Variants in PROM1 observed in about 807,000 individuals in gnomAD.
PROM1 encodes prominin 1.
In PROM1, 105 loss-of-function variants were observed where a neutral mutation model predicts 116.9. That is an observed-to-expected ratio of 0.90 (90% CI 0.77 to 1.06). PROM1 has a LOEUF of 1.06. Ranked by LOEUF, PROM1 falls within the 50% of genes least tolerant of loss-of-function variation. The pLI is 0.00. For missense variants in PROM1, 1,122 were observed against 1,045.2 expected (o/e 1.07, Z -1.01); for synonymous variants, 393 against 387.0 (o/e 1.02, Z -0.18).
At chr4:15,980,579 G>T in intron 23 of PROM1, 42 bp from the exon 24 acceptor site, 2 of 1,174,486 alleles carry the variant, frequency 1.7e-6, no homozygotes, top group Non-Finnish European at 1.2e-6. Context: ...TTGAAGATAA[G>T]AAATGGGAAA....
rs4065768 is a variant in PROM1 at position 16,009,934 on chromosome 4, CAAAAA to C, written c.1142-831_1142-827del. On this transcript the variant is annotated intron_variant, in intron 11 of 27. Transcript: ENST00000447510. ...TGGGTGACATAGCAAGACTCGCTCT[CAAAAA>C]AAAAAAAAAAAAAAAAAAGTCTTCA... is the stretch of plus-strand genomic sequence containing the variant. Among the ~76,000 whole-genome samples the C allele has an allele frequency of 8.0e-5, 6 of 75,432 alleles. No individual in the cohort carries two copies. In the East Asian group the frequency reaches 1.1e-3, roughly 14 times the overall value. 49.5% of individuals were successfully genotyped at this position (75,432 alleles called of 152,430 possible). A position where few individuals can be genotyped will look rare whatever the true frequency, so the allele number is the denominator to read the frequency against.
chr4:16,047,882 C>T (rs1448360049), intron 2 of PROM1, among the ~76,000 whole-genome samples: 1 of 152,134 alleles, frequency 6.6e-6, no homozygotes, highest in African/African-American at 2.4e-5. Flanking sequence ...CAAGAGGCCA[C>T]ACATAGTCTC....
chr4:15,970,388 G>T (rs10939647), intron 27 of PROM1, among the ~76,000 whole-genome samples: 33,035 of 151,642 alleles, frequency 0.22, 4,305 homozygotes, highest in Admixed American at 0.29. Context: ...GGCCAGGCTG[G>T]TTTTGAGCTC....
At chr4:15,985,510 C>G in intron 22 of PROM1, 1 of 461,020 alleles carries the variant, frequency 2.2e-6, no homozygotes, top group African/African-American at 2.0e-5. Context: ...CCCTTTGTTA[C>G]CTGAAAAAGG....
At chr4:16,023,140 C>T (rs1730321562) in intron 8 of PROM1, among the ~76,000 whole-genome samples, 186 bp downstream of exon 8, 1 of 152,128 alleles carries the variant, frequency 6.6e-6, no homozygotes, top group Non-Finnish European at 1.5e-5. Flanking sequence ...AGCTTTGGCA[C>T]AAGCTTTAAT....
At chr4:15,971,383 A>C in intron 26 of PROM1, 1 of 309,750 alleles carries the variant, frequency 3.2e-6, no homozygotes, top group Admixed American at 4.5e-5. Context: ...CGTGTTGAAG[A>C]CATTAGACCA....
Position 15,980,596 on chromosome 4 carries a change from T to C in PROM1, c.2374-59A>G. 4.9e-6 allele frequency: 5 copies of C among 1,026,100 alleles called. No individual in the cohort carries two copies. In the South Asian group the frequency reaches 7.7e-5, roughly 16 times the overall value. 63.6% of individuals were successfully genotyped at this position (1,026,100 alleles called of 1,614,324 possible). On this transcript the variant is annotated intron_variant, in intron 23 of 27. Coordinates refer to ENST00000447510, the MANE Select transcript of PROM1 (RefSeq NM_006017.3). ...GAAGATAAGAAATGGGAAAAACAGT[T>C]GTTTGGGGGATTTTTTTTTTTTTTT...
Position 15,992,203 on chromosome 4 carries a change from C to A in PROM1, c.1911+45G>T, listed in dbSNP as rs867071352. ...GCAAAACAGAAATACACATCTGACA[C>A]TTTAATTTCTCCTAAAGGATCAAGC... On this transcript the variant is annotated intron_variant, in intron 17 of 27. Coordinates refer to ENST00000447510, the MANE Select transcript of PROM1 (RefSeq NM_006017.3). 6.9e-6 allele frequency: 11 copies of A among 1,597,056 alleles called. No individual in the cohort carries two copies. The African/African-American group carries it at 1.1e-4, about 16-fold the overall frequency.
chr4:16,022,975 T>C (rs991058128), intron 8 of PROM1, among the ~76,000 whole-genome samples: 2 of 152,204 alleles, frequency 1.3e-5, no homozygotes, highest in Non-Finnish European at 2.9e-5. Context: ...GGTTACACTA[T>C]GTCTCTTCCA....
intron 2 of PROM1, among the ~76,000 whole-genome samples, chr4:16,062,474 G>A (rs1740578097): frequency 6.6e-6 from 1 of 152,084 alleles, no homozygotes; most frequent in Admixed American, 6.6e-5. Flanking sequence ...TAAAGAGAAG[G>A]AGCATTAAAA....
chr4:15,991,298 A>G lies in PROM1; in HGVS notation c.1912-5T>C, dbSNP rs1242896083. 5 of 1,585,814 alleles carry G rather than the reference A, an allele frequency of 3.2e-6. No homozygotes were observed. In the African/African-American group the frequency reaches 4.1e-5, roughly 13 times the overall value. Reference sequence around the variant, plus strand: ...TCCTGCGGGGGATTTACCAGTCTACAATAGAAGTGAAAAAAATTGTCTTAT... The same window carrying G: ...TCCTGCGGGGGATTTACCAGTCTACGATAGAAGTGAAAAAAATTGTCTTAT... On this transcript the variant is annotated splice_region_variant and splice_polypyrimidine_tract_variant and intron_variant, in intron 17 of 27. Transcript: ENST00000447510.
At chr4:16,039,667 G>A (rs1734731995) in intron 2 of PROM1, among the ~76,000 whole-genome samples, 1 of 151,694 alleles carries the variant, frequency 6.6e-6, no homozygotes, top group South Asian at 2.1e-4. Flanking sequence ...GAACCCGGGA[G>A]GTGGAGGTTG....
chr4:16,069,987 C>G (rs1742437691), intron 2 of PROM1, among the ~76,000 whole-genome samples: 1 of 152,078 alleles, frequency 6.6e-6, no homozygotes, highest in Non-Finnish European at 1.5e-5. Context: ...TCAGCTAATG[C>G]GATTGGGTAA....
intron 2 of PROM1, among the ~76,000 whole-genome samples, chr4:16,069,383 A>G (rs1742296224): frequency 6.6e-6 from 1 of 152,256 alleles, no homozygotes; most frequent in Non-Finnish European, 1.5e-5. Context: ...CAAGTTCATC[A>G]CGGCCACATA....
chr4:15,982,679 G>A (rs1718268940), intron 23 of PROM1, among the ~76,000 whole-genome samples: 1 of 152,146 alleles, frequency 6.6e-6, no homozygotes, highest in South Asian at 2.1e-4. Context: ...AATGGGGTGG[G>A]TGGTGGAGGC....
intron 23 of PROM1, among the ~76,000 whole-genome samples, chr4:15,983,919 T>C (rs2302169): frequency 0.39 from 58,936 of 152,046 alleles, 11,493 homozygotes; most frequent in Admixed American, 0.46. Context: ...CAAATGAAAT[T>C]TGATGCAACT....
intron 2 of PROM1, chr4:16,055,232 A>G: frequency 2.9e-6 from 1 of 340,340 alleles, no homozygotes; most frequent in Non-Finnish European, 5.9e-6. Context: ...TCATAATCAC[A>G]GTACCATTCT....
intron 5 of PROM1, among the ~76,000 whole-genome samples, chr4:16,027,297 AACACACAC>A (rs144910885): frequency 1.4e-5 from 2 of 147,128 alleles, no homozygotes; most frequent in Non-Finnish European, 3.0e-5. Flanking sequence ...GTGAAGAAGA[AACACACAC>A]ACACACACAC....
chr4:16,002,639 G>C (rs768678910), intron 13 of PROM1, among the ~76,000 whole-genome samples: 1 of 151,930 alleles, frequency 6.6e-6, no homozygotes, highest in Non-Finnish European at 1.5e-5. Flanking sequence ...GACCTACAAG[G>C]CTTCTGAGTC....
Sources: allele counts gnomAD v4.1 joint callset (sites outside exome capture counted in the v4.1 genomes callset), GRCh38; gene constraint gnomAD v4.1.1; transcripts MANE v1.5; gene names NCBI Gene and HGNC (gene_info 2026-07-23, HGNC 2026-07-21).